The following SPAG16 variants were observed in gnomAD, a reference collection of about 807,000 sequenced individuals.
SPAG16 encodes the protein sperm associated antigen 16.
A neutral mutation model predicts 80.4 loss-of-function variants in SPAG16; 86 were observed. That is an observed-to-expected ratio of 1.07 (90% CI 0.90 to 1.28). The LOEUF is 1.28. Ranked by LOEUF, SPAG16 falls within the 50% of genes most tolerant of loss-of-function variation. The pLI is 0.00. For missense variants in SPAG16, 870 were observed against 765.3 expected, an observed-to-expected ratio of 1.14 and a Z score of -1.61; for synonymous variants, 294 against 265.9, an observed-to-expected ratio of 1.11 and a Z score of -1.03.
chr2:213,595,697 G>A (rs1467906432), intron 10 of SPAG16, among the ~76,000 whole-genome samples: 2 of 151,942 alleles, frequency 1.3e-5, no homozygotes, highest in African/African-American at 4.8e-5. Context: ...GTAATATGGT[G>A]GATTTTAAGT....
intron 10 of SPAG16, among the ~76,000 whole-genome samples, chr2:213,643,391 TATATATATATATATATATA>T (rs2062693035): frequency 8.9e-5 from 8 of 90,152 alleles, no homozygotes; most frequent in South Asian, 6.5e-4. Flanking sequence ...TATATATATA[TATATATATATATATATATA>T]TTTTATCTCT....
intron 13 of SPAG16, among the ~76,000 whole-genome samples, chr2:214,097,581 T>G (rs1256850199): frequency 6.6e-6 from 1 of 152,034 alleles, no homozygotes; most frequent in African/African-American, 2.4e-5. Context: ...TTGACCCTTT[T>G]GCTTAAATTA....
chr2:213,655,950 C>T (rs1485793252), intron 10 of SPAG16, among the ~76,000 whole-genome samples: 1 of 152,138 alleles, frequency 6.6e-6, no homozygotes, highest in Non-Finnish European at 1.5e-5. Context: ...ATTTCCTAGT[C>T]ATTTCCATGA....
intron 10 of SPAG16, among the ~76,000 whole-genome samples, chr2:213,753,264 G>A (rs530344404): frequency 7.9e-5 from 12 of 152,120 alleles, no homozygotes; most frequent in East Asian, 1.9e-4. Flanking sequence ...CGCCTGCCTC[G>A]GCCTCCCAAA....
intron 7 of SPAG16, among the ~76,000 whole-genome samples, chr2:213,357,225 A>G (rs1456949322): frequency 2.6e-5 from 4 of 152,134 alleles, no homozygotes; most frequent in Admixed American, 1.3e-4. Flanking sequence ...AGCAGAATGT[A>G]TATTCTTTTG....
chr2:213,756,039 G>A (rs1316209565), intron 10 of SPAG16, among the ~76,000 whole-genome samples: 1 of 152,196 alleles, frequency 6.6e-6, no homozygotes, highest in Non-Finnish European at 1.5e-5. Flanking sequence ...TTAAATGGCT[G>A]AGTAGGACTA....
chr2:214,085,873 T>C (rs1342324392), intron 13 of SPAG16, among the ~76,000 whole-genome samples: 3 of 152,196 alleles, frequency 2.0e-5, no homozygotes, highest in African/African-American at 7.2e-5. Flanking sequence ...CACTTTTGCG[T>C]GATATTTATA....
chr2:213,779,225 T>C (rs935267767), intron 10 of SPAG16, among the ~76,000 whole-genome samples: 1 of 152,234 alleles, frequency 6.6e-6, no homozygotes, highest in African/African-American at 2.4e-5. Flanking sequence ...ATGTCCTTTA[T>C]TGAGTTCTTA....
chr2:213,543,609 C>T (rs145084004), intron 10 of SPAG16, among the ~76,000 whole-genome samples: 7 of 151,954 alleles, frequency 4.6e-5, no homozygotes, highest in Middle Eastern at 3.4e-3. Context: ...ATGTAGCAAT[C>T]CTGTTCATAT....
intron 5 of SPAG16, among the ~76,000 whole-genome samples, chr2:213,333,684 C>A (rs2064209406): frequency 6.6e-6 from 1 of 152,006 alleles, no homozygotes. Flanking sequence ...AATAGAGAAC[C>A]AGAAACAAAA....
At chr2:213,617,821 A>G (rs2061650063) in intron 10 of SPAG16, among the ~76,000 whole-genome samples, 1 of 152,128 alleles carries the variant, frequency 6.6e-6, no homozygotes, top group Non-Finnish European at 1.5e-5. Context: ...TCAAAAAAAT[A>G]AAATGAATAA....
chr2:214,399,089 G>T (rs1213475133), intron 15 of SPAG16, among the ~76,000 whole-genome samples: 4 of 152,084 alleles, frequency 2.6e-5, no homozygotes, highest in Non-Finnish European at 5.9e-5. Flanking sequence ...TGCCTGTGGG[G>T]CTTACTCAGG....
chr2:214,221,968 T>G (rs1388306536), intron 15 of SPAG16, among the ~76,000 whole-genome samples: 1 of 152,140 alleles, frequency 6.6e-6, no homozygotes, highest in Non-Finnish European at 1.5e-5. Context: ...AGATAATATC[T>G]GAATAATTAT....
In SPAG16 at chr2:214,176,155, A is replaced by T. The variant is rs773490221; in HGVS notation, c.1720+26889A>T. ...TTATTAAAGGCTTTTGTTGATGACAATGTCCTCAAATATAGCATTTACCAC... is the reference window on the plus strand; with the variant it reads ...TTATTAAAGGCTTTTGTTGATGACATTGTCCTCAAATATAGCATTTACCAC... On this transcript the variant is annotated intron_variant, in intron 15 of 15. Transcript: ENST00000331683. Among the ~76,000 whole-genome samples, 3 of 151,394 alleles carry T rather than the reference A, an allele frequency of 2.0e-5. No individual in the cohort carries two copies. In the Admixed American group the frequency reaches 2.0e-4, roughly 10 times the overall value.
chr2:214,142,167 G>C (rs1470375665), intron 14 of SPAG16, among the ~76,000 whole-genome samples: 5 of 151,984 alleles, frequency 3.3e-5, no homozygotes, highest in Non-Finnish European at 7.4e-5. Context: ...GTCTAGAATA[G>C]AGTACATCCT....
At chr2:214,007,972 C>G (rs1194335618) in intron 12 of SPAG16, among the ~76,000 whole-genome samples, 2 of 152,106 alleles carry the variant, frequency 1.3e-5, no homozygotes, top group East Asian at 3.9e-4. Flanking sequence ...TCCCTCCCTC[C>G]TTCTCTTCAC....
At chr2:214,328,359 C>G (rs1217424477) in intron 15 of SPAG16, among the ~76,000 whole-genome samples, 1 of 152,040 alleles carries the variant, frequency 6.6e-6, no homozygotes. Flanking sequence ...GATGGGGTTT[C>G]GCTCTGTTGG....
chr2:213,884,827 T>A (rs1256108435), intron 11 of SPAG16, among the ~76,000 whole-genome samples: 1 of 152,230 alleles, frequency 6.6e-6, no homozygotes, highest in African/African-American at 2.4e-5. Flanking sequence ...AGAGAATTTT[T>A]CAGCTTTAGA....
intron 11 of SPAG16, among the ~76,000 whole-genome samples, chr2:213,883,114 A>G (rs1226455780): frequency 6.6e-6 from 1 of 152,148 alleles, no homozygotes; most frequent in Non-Finnish European, 1.5e-5. Flanking sequence ...TTAATTTGAG[A>G]TCTCTCTAAC....
Sources: allele counts gnomAD v4.1 joint callset (sites outside exome capture counted in the v4.1 genomes callset), GRCh38; gene constraint gnomAD v4.1.1; transcripts MANE v1.5; gene names NCBI Gene and HGNC (gene_info 2026-07-23, HGNC 2026-07-21).